The following THSD4 variants were observed in gnomAD, a reference collection of about 807,000 sequenced individuals.
THSD4 encodes thrombospondin type-1 domain-containing protein 4.
A neutral mutation model predicts 119.0 loss-of-function variants in THSD4; 69 were observed. The ratio of observed to expected loss-of-function variants is 0.58; its 90% CI spans 0.48 to 0.71. The LOEUF is 0.71. Ranked by LOEUF, THSD4 falls within the 30% of genes least tolerant of loss-of-function variation. The probability of loss-of-function intolerance (pLI) is 0.00; values close to 1 mark genes in which losing one functional copy is unlikely to be tolerated. For missense variants in THSD4, 1,393 were observed against 1,391.1 expected (o/e 1.00, Z -0.02); for synonymous variants, 524 against 540.4 (o/e 0.97, Z 0.42).
chr15:71,330,247 C>T (rs967682718), intron 6 of THSD4, among the ~76,000 whole-genome samples: 1 of 152,158 alleles, frequency 6.6e-6, no homozygotes, highest in Non-Finnish European at 1.5e-5. Context: ...TGAGCTCCCC[C>T]ACTTCCTAGC....
intron 7 of THSD4, among the ~76,000 whole-genome samples, chr15:71,507,635 C>T (rs1301753850): frequency 6.6e-6 from 1 of 151,614 alleles, no homozygotes; most frequent in Non-Finnish European, 1.5e-5. Context: ...CCCACATTGC[C>T]ACCTAGAACC....
intron 7 of THSD4, among the ~76,000 whole-genome samples, chr15:71,498,320 T>G (rs892868296): frequency 6.6e-6 from 1 of 152,216 alleles, no homozygotes; most frequent in Non-Finnish European, 1.5e-5. Flanking sequence ...TAGGGTCCAT[T>G]GCAAGTTGAA....
intron 8 of THSD4, among the ~76,000 whole-genome samples, chr15:71,680,932 T>C (rs2051762795): frequency 6.6e-6 from 1 of 151,294 alleles, no homozygotes; most frequent in Admixed American, 6.6e-5. Context: ...TTTTTTTTTT[T>C]TTTTGAGATG....
chr15:71,566,535 C>T (rs1490580025), intron 7 of THSD4, among the ~76,000 whole-genome samples: 1 of 152,160 alleles, frequency 6.6e-6, no homozygotes, highest in Admixed American at 6.5e-5. Context: ...TTGGAGTCCT[C>T]AGCCATGTTG....
chr15:71,473,771 C>T (rs181035746), intron 7 of THSD4, among the ~76,000 whole-genome samples: 142 of 152,256 alleles, frequency 9.3e-4, no homozygotes, highest in African/African-American at 3.4e-3. Flanking sequence ...CTAGCAAAGT[C>T]CCCATGCATG....
At chr15:71,544,451 G>A (rs542046407) in intron 7 of THSD4, among the ~76,000 whole-genome samples, 1 of 152,278 alleles carries the variant, frequency 6.6e-6, no homozygotes, top group Admixed American at 6.5e-5. Context: ...GTTCAAACAG[G>A]AGGACATACG....
chr15:71,420,631 A>G (rs1339917153), intron 7 of THSD4, among the ~76,000 whole-genome samples: 1 of 105,890 alleles, frequency 9.4e-6, no homozygotes, highest in African/African-American at 3.2e-5. Context: ...CTTTTTGTAT[A>G]TCTGTTCTAT....
chr15:71,501,930 A>G lies in THSD4; in HGVS notation c.1152+90107A>G, dbSNP rs954059968. On this transcript the variant is annotated intron_variant, in intron 7 of 17. Transcript: ENST00000261862. ...ACATAATTTCTGCTGCCAAAGAGGGAACAAATCATGCAGAGAACACACCTA... is the reference window on the plus strand; with the variant it reads ...ACATAATTTCTGCTGCCAAAGAGGGGACAAATCATGCAGAGAACACACCTA... Among the ~76,000 whole-genome samples, 28 of 152,288 alleles carry G rather than the reference A, an allele frequency of 1.8e-4. 2 individuals carry two copies. The highest frequency in any genetic ancestry group is 5.2e-4 in the Admixed American group (8 of 15,288).
At chr15:71,199,600 T>C (rs2043758112) in intron 3 of THSD4, among the ~76,000 whole-genome samples, 60 of 130,266 alleles carry the variant, frequency 4.6e-4, no homozygotes, top group African/African-American at 1.5e-3. Flanking sequence ...GTGTGTGATG[T>C]ATGGTGTGTG....
chr15:71,658,128 G>T (rs1473745690), intron 7 of THSD4, among the ~76,000 whole-genome samples: 1 of 152,138 alleles, frequency 6.6e-6, no homozygotes, highest in Non-Finnish European at 1.5e-5. Context: ...TGCAGTCATT[G>T]TTACCACCGA....
At chr15:71,596,274 T>C (rs1165864388) in intron 7 of THSD4, among the ~76,000 whole-genome samples, 1 of 152,206 alleles carries the variant, frequency 6.6e-6, no homozygotes, top group African/African-American at 2.4e-5. Flanking sequence ...CACCCTTCTG[T>C]GGGTAGGAAC....
chr15:71,157,672 A>G (rs1247264494), intron 3 of THSD4, among the ~76,000 whole-genome samples: 3 of 126,292 alleles, frequency 2.4e-5, no homozygotes, highest in Non-Finnish European at 4.7e-5. Flanking sequence ...CTGCTTCTAT[A>G]TCAACTCTTT....
chr15:71,113,511 C>T (rs1596203668), upstream of THSD4: 1 of 152,198 alleles, frequency 6.6e-6, no homozygotes, highest in Non-Finnish European at 1.5e-5. Context: ...GCCCTGTTCG[C>T]CCCAGACATT....
At chr15:71,154,770 C>T (rs535586523) in intron 2 of THSD4, 93 bp from the exon 3 acceptor site, 10 of 1,285,866 alleles carry the variant, frequency 7.8e-6, no homozygotes, top group Admixed American at 3.4e-5. Flanking sequence ...TGTTCCCCCC[C>T]CATCCACTGA....
chr15:71,743,652 A>G (rs1191792999), intron 11 of THSD4, among the ~76,000 whole-genome samples: 1 of 152,228 alleles, frequency 6.6e-6, no homozygotes, highest in African/African-American at 2.4e-5. Context: ...GTTATTTTAA[A>G]TAATGGTCTC....
At chr15:71,483,046 AT>A (rs1260351864) in intron 7 of THSD4, among the ~76,000 whole-genome samples, 3 of 152,212 alleles carry the variant, frequency 2.0e-5, no homozygotes, top group African/African-American at 4.8e-5. Context: ...GACAAAAAAA[AT>A]AAGGAGGTTG....
chr15:71,716,720 C>T (rs2052618441), intron 8 of THSD4, among the ~76,000 whole-genome samples: 1 of 152,034 alleles, frequency 6.6e-6, no homozygotes, highest in East Asian at 1.9e-4. Context: ...ACACTATCAT[C>T]CTCCTACCCG....
chr15:71,653,983 A>G (rs776356443), intron 7 of THSD4, among the ~76,000 whole-genome samples: 4 of 152,132 alleles, frequency 2.6e-5, no homozygotes, highest in Non-Finnish European at 5.9e-5. Context: ...CTGACTTTCA[A>G]TTTAGACCAG....
chr15:71,377,350 G>A (rs1021999668), intron 6 of THSD4, among the ~76,000 whole-genome samples: 9 of 152,164 alleles, frequency 5.9e-5, no homozygotes, highest in African/African-American at 2.2e-4. Flanking sequence ...GCAGTATGTG[G>A]GCTAGGATCA....
Sources: allele counts gnomAD v4.1 joint callset (sites outside exome capture counted in the v4.1 genomes callset), GRCh38; gene constraint gnomAD v4.1.1; transcripts MANE v1.5; gene names NCBI Gene and HGNC (gene_info 2026-07-23, HGNC 2026-07-21).